The following AFP variants were observed in gnomAD, a reference collection of about 807,000 sequenced individuals.
The protein encoded by AFP is alpha fetoprotein.
AFP carries 64 observed loss-of-function variants against 78.9 expected under a neutral mutation model. The observed-to-expected ratio is 0.81, with a 90% CI of 0.66 to 1.00. The LOEUF (loss-of-function observed/expected upper bound fraction) is 1.00, where lower values mean the gene tolerates loss of function less well. Ranked by LOEUF, AFP falls within the 50% of genes least tolerant of loss-of-function variation. AFP has a pLI of 0.00. For synonymous variants in AFP, 254 were observed against 243.8 expected (o/e 1.04, Z -0.39); for missense variants, 689 against 703.8 (o/e 0.98, Z 0.24).
At chr4:73,443,512 G>GT (rs1719735015) in intron 6 of AFP, 68 bp downstream of exon 6, 1 of 1,253,366 alleles carries the variant, frequency 8.0e-7, no homozygotes, top group Non-Finnish European at 1.2e-6. Flanking sequence ...ATTTGGGTTC[G>GT]TTTTTTTAAT....
At chr4:73,451,209 T>C (rs909926256) in intron 11 of AFP, among the ~76,000 whole-genome samples, 3 of 152,214 alleles carry the variant, frequency 2.0e-5, no homozygotes, top group African/African-American at 4.8e-5. Context: ...ATTATTATTA[T>C]GACATCAGGA....
rs538034000 is a variant in AFP, at chr4:73,440,644, T to C, written c.313T>C (p.Leu105=). Residue 105 remains leucine (L), a synonymous_variant, in exon 4 of 15, where the codon TTG becomes CTG. Coordinates refer to ENST00000395792, the MANE Select transcript of AFP (RefSeq NM_001134.3). ...LEELCHEKEI[L]EKYGHSDCCS... is the part of the protein sequence containing the mutation. Reference sequence around the variant, plus strand: ...AGAACTTTGCCATGAGAAAGAAATTTTGGAGAAGTACGGACATTCAGACTG... The same window carrying C: ...AGAACTTTGCCATGAGAAAGAAATTCTGGAGAAGTACGGACATTCAGACTG... 5.0e-6 allele frequency: 8 copies of C among 1,614,196 alleles called. No individual in the cohort carries two copies. In the East Asian group the frequency reaches 8.9e-5, roughly 18 times the overall value.
At chr4:73,440,554 T>C (rs761432454) in intron 3 of AFP, 48 bp from the exon 4 acceptor site, 21 of 1,485,566 alleles carry the variant, frequency 1.4e-5, no homozygotes, top group Non-Finnish European at 1.8e-5. Flanking sequence ...TATAGATTTT[T>C]AAAGCAAAGT....
intron 4 of AFP, 104 bp downstream of exon 4, chr4:73,440,917 T>G: frequency 9.2e-7 from 1 of 1,090,728 alleles, no homozygotes; most frequent in Non-Finnish European, 1.3e-6. Context: ...GTAAGAGGTA[T>G]AATGTTTCTT....
chr4:73,446,046 A>G (rs1719814345), intron 7 of AFP, among the ~76,000 whole-genome samples: 1 of 152,200 alleles, frequency 6.6e-6, no homozygotes, highest in Non-Finnish European at 1.5e-5. Flanking sequence ...CTGAAAGTGA[A>G]GATAAAATGC....
At chr4:73,444,888 C>A (rs2149334531) in intron 6 of AFP, 105 bp from the exon 7 acceptor site, 1 of 998,042 alleles carries the variant, frequency 1.0e-6, no homozygotes, top group Non-Finnish European at 1.4e-6. Flanking sequence ...AAGGGAATTT[C>A]AGTCATTTCT....
At chr4:73,444,573 A>G (rs573836287) in intron 6 of AFP, among the ~76,000 whole-genome samples, 8 of 152,150 alleles carry the variant, frequency 5.3e-5, no homozygotes, top group Non-Finnish European at 1.2e-4. Flanking sequence ...ATTTGCACAT[A>G]CGCCTCCTTT....
chr4:73,441,904 T>C (rs113136331), intron 4 of AFP, among the ~76,000 whole-genome samples: 1 of 152,216 alleles, frequency 6.6e-6, no homozygotes, highest in African/African-American at 2.4e-5. Flanking sequence ...ATAACCCCAT[T>C]CTGCACTGAC....
Position 73,455,815 on chromosome 4 carries a change from A to G in AFP, c.*195A>G. On this transcript the variant is annotated 3_prime_UTR_variant, in exon 15 of 15. Coordinates refer to ENST00000395792, the MANE Select transcript of AFP (RefSeq NM_001134.3). Reference sequence around the variant, plus strand: ...TTTGCTTATTTATGAAAAGTTATCGATAATTTCTTTAGTTTTGTATACCAT... The same window carrying G: ...TTTGCTTATTTATGAAAAGTTATCGGTAATTTCTTTAGTTTTGTATACCAT... The G allele has an allele frequency of 6.6e-6, 4 of 607,426 alleles. No homozygotes were observed. Among genetic ancestry groups the G allele is most frequent in the South Asian group, 2.0e-5 (1 of 50,446 alleles). The allele number at this position is 607,426 out of a possible 1,614,324, so 37.6% of individuals were successfully genotyped here. A position where few individuals can be genotyped will look rare whatever the true frequency, so the allele number is the denominator to read the frequency against.
Position 73,455,740 on chromosome 4 carries a change from G to T in AFP, c.*120G>T. ...TGAAATGATAAAGACTTTTATGTGA[G>T]ATTTCCTTATCACAGAAATAAAATA... On this transcript the variant is annotated 3_prime_UTR_variant, in exon 15 of 15. Coordinates refer to ENST00000395792, the MANE Select transcript of AFP (RefSeq NM_001134.3). 2 of 655,454 alleles carry T rather than the reference G, an allele frequency of 3.1e-6. No homozygotes were observed. Among genetic ancestry groups the T allele is most frequent in the South Asian group, 1.7e-5 (1 of 58,824 alleles). 40.6% of individuals were successfully genotyped at this position (655,454 alleles called of 1,614,324 possible).
chr4:73,450,199 T>A, intron 10 of AFP, 66 bp downstream of exon 10: 1 of 1,278,492 alleles, frequency 7.8e-7, no homozygotes, highest in Non-Finnish European at 1.1e-6. Flanking sequence ...CCTTCCCCAT[T>A]CTCCTCCTTT....
chr4:73,436,815 A>G (rs1000439786), intron 1 of AFP, among the ~76,000 whole-genome samples: 3 of 151,846 alleles, frequency 2.0e-5, no homozygotes, highest in African/African-American at 7.2e-5. Context: ...TGAATGGCAA[A>G]CCGTAGTATA....
intron 11 of AFP, among the ~76,000 whole-genome samples, chr4:73,451,585 A>G (rs747534488): frequency 4.6e-5 from 7 of 152,086 alleles, no homozygotes; most frequent in Non-Finnish European, 1.0e-4. Flanking sequence ...GGATGGTGTA[A>G]TGGTTCAGGA....
chr4:73,451,963 G>T (rs1720005032), intron 11 of AFP, among the ~76,000 whole-genome samples: 1 of 152,168 alleles, frequency 6.6e-6, no homozygotes, highest in Non-Finnish European at 1.5e-5. Context: ...AGCTGCAAGT[G>T]TATACATGTG....
chr4:73,455,475 G>T lies in AFP; in HGVS notation c.*11-156G>T, dbSNP rs1720131383. The stretch of plus-strand genomic sequence containing the variant: ...AATGTTAAATTAGTGGCTCAACTAT[G>T]CAAAATCCTTTTTGGTTATTTAAAA... On this transcript the variant is annotated intron_variant, in intron 14 of 14. Coordinates refer to ENST00000395792, the MANE Select transcript of AFP (RefSeq NM_001134.3). The T allele has an allele frequency of 4.7e-6, 3 of 643,174 alleles. No individual in the cohort carries two copies. In the South Asian group the frequency reaches 5.3e-5, roughly 11 times the overall value. 39.8% of individuals were successfully genotyped at this position (643,174 alleles called of 1,614,324 possible). A position where few individuals can be genotyped will look rare whatever the true frequency, so the allele number is the denominator to read the frequency against.
intron 3 of AFP, among the ~76,000 whole-genome samples, chr4:73,440,239 T>A (rs895317626): frequency 4.6e-5 from 7 of 152,082 alleles, no homozygotes; most frequent in Non-Finnish European, 1.0e-4. Flanking sequence ...CAGGCCCCAG[T>A]GTGTGCTGTT....
chr4:73,443,305 T>C lies in AFP; in HGVS notation c.616-42T>C, dbSNP rs371184590. On this transcript the variant is annotated intron_variant, in intron 5 of 14. Coordinates refer to ENST00000395792, the MANE Select transcript of AFP (RefSeq NM_001134.3). ...AATATTAGAGCTTGTAAAGAAAATG[T>C]TAGTATATGCTTTCATGACATTTTG... 6 of 1,411,550 alleles carry C rather than the reference T, an allele frequency of 4.3e-6. No individual in the cohort carries two copies. The African/African-American group carries it at 8.5e-5, about 20-fold the overall frequency. The allele number at this position is 1,411,550 out of a possible 1,614,324, so 87.4% of individuals were successfully genotyped here. A position where few individuals can be genotyped will look rare whatever the true frequency, so the allele number is the denominator to read the frequency against.
In AFP at chr4:73,443,456, TTCTA is replaced by T; in HGVS notation, c.713+17_713+20del. The T allele has an allele frequency of 1.3e-6, 2 of 1,583,872 alleles. No individual in the cohort carries two copies. The highest frequency in any genetic ancestry group is 1.7e-6 in the Non-Finnish European group (2 of 1,152,526). On this transcript the variant is annotated intron_variant, in intron 6 of 14. Transcript: ENST00000395792. ...ACTTTCCAAGCCATGTAAGTTCAAG[TTCTA>T]TCTAGGGAAGAGGGTGAGAGCTACA... is the stretch of plus-strand genomic sequence containing the variant.
intron 5 of AFP, among the ~76,000 whole-genome samples, chr4:73,443,030 A>G (rs1719716690): frequency 6.6e-6 from 1 of 152,178 alleles, no homozygotes; most frequent in African/African-American, 2.4e-5. Context: ...AAGACACTTA[A>G]GAAATTAGCA....
Sources: gnomAD v4.1 joint callset for allele counts (sites outside exome capture counted in the v4.1 genomes callset) on GRCh38, gnomAD v4.1.1 for gene constraint, MANE v1.5 for transcripts, NCBI Gene and HGNC (gene_info 2026-07-23, HGNC 2026-07-21) for gene names.